SPOCK3: variants seen among roughly 807,000 people sequenced by gnomAD.
SPOCK3 encodes testican-3.
Under a neutral mutation model 56.6 loss-of-function variants are expected in SPOCK3, and 30 were observed. The observed-to-expected ratio is 0.53, with a 90% CI of 0.40 to 0.72. The LOEUF (loss-of-function observed/expected upper bound fraction) is 0.72, where lower values mean the gene tolerates loss of function less well. SPOCK3 is among the 30% of genes least tolerant of loss of function. SPOCK3 has a pLI of 0.00. For synonymous variants in SPOCK3, 196 were observed against 183.3 expected (o/e 1.07, Z -0.56); for missense variants, 527 against 530.0 (o/e 0.99, Z 0.06).
intron 6 of SPOCK3, among the ~76,000 whole-genome samples, chr4:166,850,232 C>T (rs944586491): frequency 1.3e-5 from 2 of 152,144 alleles, no homozygotes; most frequent in East Asian, 1.9e-4. Flanking sequence ...TTCTCTGCAT[C>T]TTTATCAACA....
intron 3 of SPOCK3, among the ~76,000 whole-genome samples, chr4:167,042,530 G>T (rs921008131): frequency 6.6e-6 from 1 of 152,074 alleles, no homozygotes; most frequent in Admixed American, 6.6e-5. Flanking sequence ...GTCTGTTAAA[G>T]TCCTACCTAG....
intron 4 of SPOCK3, among the ~76,000 whole-genome samples, chr4:166,948,748 C>T (rs886485196): frequency 3.7e-4 from 56 of 152,004 alleles, no homozygotes; most frequent in Admixed American, 2.0e-3. Flanking sequence ...GTGGGTAACC[C>T]GACCTTTCTC....
chr4:166,981,752 A>G (rs1191156978), intron 4 of SPOCK3, among the ~76,000 whole-genome samples: 4 of 151,890 alleles, frequency 2.6e-5, no homozygotes, highest in African/African-American at 9.7e-5. Context: ...CCATCCATCA[A>G]TCTTGTCATC....
At chr4:167,012,860 G>A (rs1750226092) in intron 3 of SPOCK3, among the ~76,000 whole-genome samples, 2 of 152,062 alleles carry the variant, frequency 1.3e-5, no homozygotes, top group East Asian at 1.9e-4. Context: ...GCTATAGGAA[G>A]AAGTGGTTTT....
At chr4:166,765,278 T>A (rs1049122835) in intron 7 of SPOCK3, among the ~76,000 whole-genome samples, 1 of 152,228 alleles carries the variant, frequency 6.6e-6, no homozygotes, top group Non-Finnish European at 1.5e-5. Context: ...ATGTCCTGAA[T>A]GGTATTGCCT....
intron 3 of SPOCK3, among the ~76,000 whole-genome samples, chr4:167,043,576 TA>T (rs1169747629): frequency 6.6e-6 from 1 of 152,068 alleles, no homozygotes; most frequent in African/African-American, 2.4e-5. Context: ...ACAGGTTTTT[TA>T]TAGATGTTCT....
intron 3 of SPOCK3, among the ~76,000 whole-genome samples, chr4:167,052,053 A>G (rs1057088100): frequency 3.9e-5 from 6 of 152,160 alleles, no homozygotes; most frequent in African/African-American, 1.4e-4. Context: ...AGTAATCTTG[A>G]TTTTACCTTA....
At chr4:167,182,156 T>A (rs1731520319) in intron 2 of SPOCK3, among the ~76,000 whole-genome samples, 1 of 152,322 alleles carries the variant, frequency 6.6e-6, no homozygotes, top group East Asian at 1.9e-4. Flanking sequence ...AACAAAATAT[T>A]AGAGAATGCA....
At chr4:167,234,544 C>T (rs1192112113), upstream of SPOCK3, 1 of 265,480 alleles carries the variant, frequency 3.8e-6, no homozygotes, top group Non-Finnish European at 7.3e-6. Flanking sequence ...CACGCGCCGC[C>T]GTCTCGAGCC....
chr4:166,936,044 GA>G (rs1420362006), intron 4 of SPOCK3, among the ~76,000 whole-genome samples: 1 of 152,120 alleles, frequency 6.6e-6, no homozygotes, highest in Non-Finnish European at 1.5e-5. Context: ...AATTAGTATT[GA>G]GGGGTATTGA....
At chr4:166,853,034 T>C (rs1317406685) in intron 6 of SPOCK3, among the ~76,000 whole-genome samples, 1 of 152,204 alleles carries the variant, frequency 6.6e-6, no homozygotes, top group Non-Finnish European at 1.5e-5. Flanking sequence ...TATTTTCTTC[T>C]TACTTTTATG....
chr4:166,992,017 G>A (rs1331950697), intron 4 of SPOCK3, among the ~76,000 whole-genome samples: 1 of 152,152 alleles, frequency 6.6e-6, no homozygotes, highest in East Asian at 1.9e-4. Flanking sequence ...TAAATTATGG[G>A]ATAGTCTTGT....
chr4:166,948,465 T>C (rs1038979154), intron 4 of SPOCK3, among the ~76,000 whole-genome samples: 1 of 152,228 alleles, frequency 6.6e-6, no homozygotes, highest in African/African-American at 2.4e-5. Flanking sequence ...GGAGTACTAA[T>C]TTGTATTCCT....
At chr4:166,881,328 G>A (rs924115414) in intron 6 of SPOCK3, among the ~76,000 whole-genome samples, 3 of 151,442 alleles carry the variant, frequency 2.0e-5, no homozygotes, top group Non-Finnish European at 3.0e-5. Context: ...TTATTCCTAC[G>A]ATAAATTAAT....
rs1423258826 is a variant in SPOCK3 at position 167,127,431 on chromosome 4, C to CT, written c.190-64895dup. 1.7e-3 allele frequency among the ~76,000 whole-genome samples: 244 copies of CT among 141,664 alleles called. 1 individual carries two copies. In the Middle Eastern group the frequency reaches 0.019, roughly 11 times the overall value. 92.9% of individuals were successfully genotyped at this position (141,664 alleles called of 152,430 possible). A position where few individuals can be genotyped will look rare whatever the true frequency, so the allele number is the denominator to read the frequency against. On this transcript the variant is annotated intron_variant, in intron 2 of 10. Coordinates refer to ENST00000357545, the MANE Select transcript of SPOCK3 (RefSeq NM_001040159.2). ...TGGGGAAAAGATTGTTGGAAATTTT[C>CT]TTTTTTTTTTTTTGGAGATGGAGTC...
intron 6 of SPOCK3, among the ~76,000 whole-genome samples, chr4:166,841,000 G>A (rs1334439309): frequency 2.0e-5 from 3 of 151,396 alleles, no homozygotes; most frequent in Admixed American, 1.3e-4. Context: ...GGATAGTCTC[G>A]ATCTCCTGAC....
chr4:166,842,300 T>TGCTGATTGGTCCATTTTACAGAGA (rs1348635374), intron 6 of SPOCK3, among the ~76,000 whole-genome samples: 1 of 152,236 alleles, frequency 6.6e-6, no homozygotes, highest in Non-Finnish European at 1.5e-5. Flanking sequence ...ACCCATATCC[T>TGCTGATTGGTCCATTTTACAGAGA]GCTGATTGGT....
intron 4 of SPOCK3, among the ~76,000 whole-genome samples, chr4:166,965,232 G>A (rs191221992): frequency 6.6e-6 from 1 of 151,954 alleles, no homozygotes; most frequent in Admixed American, 6.6e-5. Flanking sequence ...TTAAAACTGG[G>A]TAATAGTGCA....
intron 3 of SPOCK3, among the ~76,000 whole-genome samples, chr4:167,059,478 C>G (rs1755330458): frequency 1.3e-5 from 2 of 151,738 alleles, no homozygotes; most frequent in African/African-American, 2.4e-5. Context: ...GTTAGAATGG[C>G]AATCATTAAA....
Sources: allele counts gnomAD v4.1 joint callset (sites outside exome capture counted in the v4.1 genomes callset), GRCh38; gene constraint gnomAD v4.1.1; transcripts MANE v1.5; gene names NCBI Gene and HGNC (gene_info 2026-07-23, HGNC 2026-07-21).